WLS: variants seen among roughly 807,000 people sequenced by gnomAD.
The protein encoded by WLS is protein wntless homolog.
In WLS, 23 loss-of-function variants were observed where a neutral mutation model predicts 62.8. That is an observed-to-expected ratio of 0.37 (90% CI 0.26 to 0.52). The LOEUF (loss-of-function observed/expected upper bound fraction) is 0.52. WLS is among the 20% of genes least tolerant of loss of function. The pLI, the probability that WLS is intolerant of heterozygous loss-of-function variation, is 0.92. For missense variants in WLS, 615 were observed against 697.3 expected (o/e 0.88, Z 1.33); for synonymous variants, 246 against 244.1 (o/e 1.01, Z -0.07).
intron 2 of WLS, among the ~76,000 whole-genome samples, chr1:68,164,667 G>A (rs1450020429): frequency 1.3e-5 from 2 of 152,188 alleles, no homozygotes; most frequent in Non-Finnish European, 2.9e-5. Flanking sequence ...CATATCTGCA[G>A]GAACCTGAAG....
At chr1:68,119,811 G>A (rs766881444) in intron 11 of WLS, among the ~76,000 whole-genome samples, 8 of 152,234 alleles carry the variant, frequency 5.3e-5, no homozygotes, top group Non-Finnish European at 8.8e-5. Context: ...TGCCCACTCC[G>A]TGTAAAGAAC....
chr1:68,216,214 T>C (rs1649720824), intron 1 of WLS, among the ~76,000 whole-genome samples: 2 of 152,216 alleles, frequency 1.3e-5, no homozygotes, highest in African/African-American at 4.8e-5. Flanking sequence ...GCAATTAATA[T>C]TCAAATCCCG....
At chr1:68,110,236 T>G (rs1340200904) in intron 11 of WLS, among the ~76,000 whole-genome samples, 3 of 151,586 alleles carry the variant, frequency 2.0e-5, no homozygotes, top group African/African-American at 7.2e-5. Flanking sequence ...TAATTTAAAA[T>G]TAAGTTGAAA....
chr1:68,107,284 G>A (rs1311651983), intron 11 of WLS, among the ~76,000 whole-genome samples: 1 of 133,584 alleles, frequency 7.5e-6, no homozygotes, highest in African/African-American at 2.9e-5. Context: ...ATCCTCCATT[G>A]TTGAATAGCT....
At chr1:68,146,382 T>G (rs1455504891) in intron 8 of WLS, among the ~76,000 whole-genome samples, 2 of 152,052 alleles carry the variant, frequency 1.3e-5, no homozygotes, top group Non-Finnish European at 2.9e-5. Context: ...AACCATATAT[T>G]CGTCACTATG....
intron 1 of WLS, among the ~76,000 whole-genome samples, chr1:68,207,428 A>G (rs982259983): frequency 2.6e-5 from 4 of 152,254 alleles, no homozygotes; most frequent in African/African-American, 9.6e-5. Context: ...CCAAGAGATC[A>G]TTGACAAAAT....
intron 11 of WLS, among the ~76,000 whole-genome samples, chr1:68,110,691 C>CTCTCTCTCTCT (rs1646216406): frequency 1.4e-5 from 2 of 143,070 alleles, no homozygotes; most frequent in African/African-American, 5.2e-5. Context: ...CTCTCTCTCT[C>CTCTCTCTCTCT]CATATATATA....
chr1:68,215,468 C>T (rs1269944371), intron 1 of WLS, among the ~76,000 whole-genome samples: 1 of 152,086 alleles, frequency 6.6e-6, no homozygotes, highest in African/African-American at 2.4e-5. Flanking sequence ...GGCTAACATG[C>T]AAAGAGATAG....
Position 68,146,014 on chromosome 1 carries a change from T to C in WLS, c.1135-2A>G. On this transcript the variant is annotated splice_acceptor_variant, in intron 8 of 11. Coordinates refer to ENST00000262348, the MANE Select transcript of WLS (RefSeq NM_024911.7). LOFTEE classifies it high-confidence loss of function. ...TCCAGCCACGATGATGAAGGCCATC[T>C]GGTCGTGTCCAGTAAAGGAAACAAC... The C allele has an allele frequency of 6.2e-7, 1 of 1,614,048 alleles. No individual in the cohort carries two copies. The highest frequency in any genetic ancestry group is 1.3e-5 in the African/African-American group (1 of 75,058).
intron 11 of WLS, among the ~76,000 whole-genome samples, chr1:68,113,373 CTT>C (rs1363842810): frequency 6.6e-6 from 1 of 152,204 alleles, no homozygotes; most frequent in African/African-American, 2.4e-5. Context: ...AAGGGCATCT[CTT>C]TGCTGAATGA....
At chr1:68,150,674 T>G (rs183830504) in intron 5 of WLS, among the ~76,000 whole-genome samples, 5 of 152,300 alleles carry the variant, frequency 3.3e-5, no homozygotes, top group African/African-American at 1.2e-4. Flanking sequence ...CCTCAGTGAG[T>G]ACAATTGTCC....
At position 68,231,132 on chromosome 1, in the gene WLS, G is replaced by A. The variant is rs563115393; in HGVS notation, c.106+1062C>T. Among the ~76,000 whole-genome samples, 11 of 152,366 alleles carry A rather than the reference G, an allele frequency of 7.2e-5. No homozygotes were observed. In the South Asian group the frequency reaches 1.7e-3, roughly 23 times the overall value. Reference sequence around the variant, plus strand: ...CCGGGATGTCCCAAATCTTGAGGGGGCGGGGGGCGCGAGTGTGCAGAGAGG... The same window carrying A: ...CCGGGATGTCCCAAATCTTGAGGGGACGGGGGGCGCGAGTGTGCAGAGAGG... On this transcript the variant is annotated intron_variant, in intron 1 of 11. Coordinates refer to ENST00000262348, the MANE Select transcript of WLS (RefSeq NM_024911.7).
intron 10 of WLS, among the ~76,000 whole-genome samples, chr1:68,139,736 A>C (rs1270727443): frequency 6.6e-6 from 1 of 152,274 alleles, no homozygotes; most frequent in African/African-American, 2.4e-5. Flanking sequence ...CCTTGCACAC[A>C]GTGGTGCTCG....
intron 11 of WLS, among the ~76,000 whole-genome samples, chr1:68,102,243 G>C (rs942161651): frequency 3.8e-5 from 5 of 131,462 alleles, no homozygotes; most frequent in Non-Finnish European, 7.5e-5. Context: ...GTTATTTCCT[G>C]CCCCTTCCTC....
intron 2 of WLS, chr1:68,183,599 AC>A (rs1557503726): frequency 9.5e-6 from 5 of 524,568 alleles, no homozygotes; most frequent in Non-Finnish European, 2.0e-5. Context: ...TTCACCCATC[AC>A]CATTGTAGAT....
At position 68,146,024 on chromosome 1, in the gene WLS, C is replaced by T. The variant is rs1299809821; in HGVS notation, c.1135-12G>A. 6.2e-7 allele frequency: 1 copy of T among 1,613,356 alleles called. No individual in the cohort carries two copies. On this transcript the variant is annotated splice_polypyrimidine_tract_variant and intron_variant, in intron 8 of 11. Transcript: ENST00000262348. ...ATGATGAAGGCCATCTGGTCGTGTC[C>T]AGTAAAGGAAACAACGGGCTAGCCA...
chr1:68,118,472 G>A (rs560488364), intron 11 of WLS, among the ~76,000 whole-genome samples: 8 of 152,184 alleles, frequency 5.3e-5, no homozygotes, highest in Admixed American at 2.6e-4. Context: ...AGCCTTCATC[G>A]CTATCACCTT....
At chr1:68,167,252 C>T (rs1400777630) in intron 2 of WLS, among the ~76,000 whole-genome samples, 2 of 152,158 alleles carry the variant, frequency 1.3e-5, no homozygotes, top group Non-Finnish European at 2.9e-5. Context: ...GTTTCAGGAA[C>T]ATGGAGCTTC....
At chr1:68,102,111 G>A (rs1646086551) in intron 11 of WLS, among the ~76,000 whole-genome samples, 1 of 152,082 alleles carries the variant, frequency 6.6e-6, no homozygotes, top group South Asian at 2.1e-4. Flanking sequence ...GTCTACCATG[G>A]GCCAGCTATA....
Sources: allele counts gnomAD v4.1 joint callset (sites outside exome capture counted in the v4.1 genomes callset), GRCh38; gene constraint gnomAD v4.1.1; transcripts MANE v1.5; gene names NCBI Gene and HGNC (gene_info 2026-07-23, HGNC 2026-07-21).